LRP1B: variants seen among roughly 807,000 people sequenced by gnomAD.
LRP1B encodes the protein LDL receptor related protein 1B.
LRP1B carries 217 observed loss-of-function variants against 556.6 expected under a neutral mutation model. That is an observed-to-expected ratio of 0.39 (90% CI 0.35 to 0.44). The LOEUF is 0.44. Among genes scored for constraint, LRP1B ranks in the 20% least tolerant of loss-of-function variants. The pLI, the probability that LRP1B is intolerant of heterozygous loss-of-function variation, is 1.00. For synonymous variants in LRP1B, 2,047 were observed against 1,865.8 expected, an observed-to-expected ratio of 1.10 and a Z score of -2.50; for missense variants, 5,053 against 5,620.8, an observed-to-expected ratio of 0.90 and a Z score of 3.23.
chr2:141,676,103 A>G (rs941193919), intron 2 of LRP1B, among the ~76,000 whole-genome samples: 1 of 151,996 alleles, frequency 6.6e-6, no homozygotes, highest in Non-Finnish European at 1.5e-5. Flanking sequence ...AATACTTATG[A>G]ATGGATTGTA....
At chr2:141,094,573 T>C (rs1219966164) in intron 7 of LRP1B, among the ~76,000 whole-genome samples, 1 of 152,182 alleles carries the variant, frequency 6.6e-6, no homozygotes, top group Non-Finnish European at 1.5e-5. Context: ...CCTGTGTTCA[T>C]AATAACAAAA....
At chr2:141,080,471 AATAAT>A (rs1479828836) in intron 7 of LRP1B, among the ~76,000 whole-genome samples, 1 of 151,158 alleles carries the variant, frequency 6.6e-6, no homozygotes, top group African/African-American at 2.5e-5. Flanking sequence ...CTTAAAAGTA[AATAAT>A]ATTTTATTTC....
chr2:140,666,230 TTATC>T (rs1685265795), intron 41 of LRP1B, among the ~76,000 whole-genome samples: 1 of 151,776 alleles, frequency 6.6e-6, no homozygotes, highest in Non-Finnish European at 1.5e-5. Flanking sequence ...CCTGACCTCG[TTATC>T]TATCTGACTT....
At chr2:140,754,446 C>T (rs527301767) in intron 35 of LRP1B, among the ~76,000 whole-genome samples, 12 of 152,036 alleles carry the variant, frequency 7.9e-5, no homozygotes, top group East Asian at 3.9e-4. Flanking sequence ...AAGGATCAAA[C>T]TCAATAAGCA....
chr2:141,088,839 G>A (rs1700108015), intron 7 of LRP1B, among the ~76,000 whole-genome samples: 1 of 152,138 alleles, frequency 6.6e-6, no homozygotes, highest in Non-Finnish European at 1.5e-5. Flanking sequence ...AGGATATTAT[G>A]TTTTGCCTTT....
intron 3 of LRP1B, among the ~76,000 whole-genome samples, chr2:141,449,322 G>T (rs1042909324): frequency 6.6e-6 from 1 of 152,094 alleles, no homozygotes; most frequent in Non-Finnish European, 1.5e-5. Context: ...TGGCATTTGG[G>T]AAGTTGCATG....
At chr2:141,429,585 C>CTT (rs1402663595) in intron 3 of LRP1B, among the ~76,000 whole-genome samples, 1 of 152,126 alleles carries the variant, frequency 6.6e-6, no homozygotes, top group Non-Finnish European at 1.5e-5. Context: ...CATCCCATCA[C>CTT]TTAGGTATTA....
At chr2:140,803,131 A>G (rs1320043904) in intron 32 of LRP1B, among the ~76,000 whole-genome samples, 1 of 152,040 alleles carries the variant, frequency 6.6e-6, no homozygotes, top group African/African-American at 2.4e-5. Context: ...TTTTATATGT[A>G]TCAATCTGTT....
At chr2:141,093,253 T>A (rs776891640) in intron 7 of LRP1B, among the ~76,000 whole-genome samples, 1 of 152,100 alleles carries the variant, frequency 6.6e-6, no homozygotes, top group Non-Finnish European at 1.5e-5. Context: ...GTAACAGGAA[T>A]GAAAGCAAAA....
chr2:141,105,403 C>T (rs1179281786), intron 7 of LRP1B, among the ~76,000 whole-genome samples: 1 of 151,946 alleles, frequency 6.6e-6, no homozygotes, highest in Non-Finnish European at 1.5e-5. Flanking sequence ...GCTGTGTTTA[C>T]TCTTACCATT....
chr2:140,278,753 G>T (rs1356526350), intron 84 of LRP1B, among the ~76,000 whole-genome samples: 5 of 151,946 alleles, frequency 3.3e-5, no homozygotes, highest in African/African-American at 1.2e-4. Context: ...AAAAATGGCA[G>T]AAATCATTTT....
chr2:141,163,379 G>A (rs1157096865), intron 7 of LRP1B, among the ~76,000 whole-genome samples: 1 of 152,000 alleles, frequency 6.6e-6, no homozygotes, highest in Non-Finnish European at 1.5e-5. Flanking sequence ...TGGCAATAAC[G>A]TCATTTTACA....
At chr2:141,516,214 C>T (rs1359121925) in intron 2 of LRP1B, among the ~76,000 whole-genome samples, 1 of 152,150 alleles carries the variant, frequency 6.6e-6, no homozygotes. Context: ...CCTTCAGGGA[C>T]ATTTGCTTTG....
intron 2 of LRP1B, among the ~76,000 whole-genome samples, chr2:141,635,047 A>G (rs74784067): frequency 9.3e-5 from 14 of 149,920 alleles, no homozygotes; most frequent in Admixed American, 2.0e-4. Flanking sequence ...ACTATAGTGA[A>G]ACACACACAC....
chr2:140,884,202 G>A (rs915525852), intron 24 of LRP1B, among the ~76,000 whole-genome samples, 181 bp from the exon 25 acceptor site: 1 of 152,112 alleles, frequency 6.6e-6, no homozygotes, highest in South Asian at 2.1e-4. Flanking sequence ...TAGCATTACC[G>A]ATCTTCCTTG....
intron 86 of LRP1B, among the ~76,000 whole-genome samples, chr2:140,265,161 G>A (rs1275366893): frequency 1.3e-5 from 2 of 152,012 alleles, no homozygotes; most frequent in African/African-American, 2.4e-5. Flanking sequence ...AATCTTAGCA[G>A]GTAGGAAGGC....
In LRP1B at chr2:141,636,823, GAATA is replaced by G. The variant is rs1689122275; in HGVS notation, c.206-156294_206-156291del. ...TCACCTATCAGACATATGGCTAAAT[GAATA>G]AAGTACATCACAGAACAATACATAT... On this transcript the variant is annotated intron_variant, in intron 2 of 90. Transcript: ENST00000389484. 2.6e-5 allele frequency among the ~76,000 whole-genome samples: 4 copies of G among 151,898 alleles called. No individual in the cohort carries two copies. The South Asian group carries it at 8.3e-4, about 32-fold the overall frequency.
At chr2:140,969,615 G>T (rs1004808804) in intron 18 of LRP1B, among the ~76,000 whole-genome samples, 2 of 152,122 alleles carry the variant, frequency 1.3e-5, no homozygotes, top group African/African-American at 4.8e-5. Flanking sequence ...TTTCTTCCTA[G>T]CATCGATGGT....
intron 31 of LRP1B, among the ~76,000 whole-genome samples, chr2:140,816,773 C>A (rs1691139362): frequency 6.6e-6 from 1 of 151,968 alleles, no homozygotes; most frequent in Non-Finnish European, 1.5e-5. Flanking sequence ...AAACTGGTGA[C>A]ATATGCTTTA....
Sources: allele counts gnomAD v4.1 joint callset (sites outside exome capture counted in the v4.1 genomes callset), GRCh38; gene constraint gnomAD v4.1.1; transcripts MANE v1.5; gene names NCBI Gene and HGNC (gene_info 2026-07-23, HGNC 2026-07-21).